C10orf90: variants seen among roughly 807,000 people sequenced by gnomAD.
C10orf90 encodes (E2-independent) E3 ubiquitin-conjugating enzyme FATS.
C10orf90 carries 56 observed loss-of-function variants against 62.5 expected under a neutral mutation model. The observed-to-expected ratio is 0.90, with a 90% confidence interval of 0.72 to 1.12. C10orf90 has a LOEUF of 1.12. Ranked by LOEUF, C10orf90 falls within the 50% of genes most tolerant of loss-of-function variation. The probability of loss-of-function intolerance (pLI) is 0.00; values close to 1 mark genes in which losing one functional copy is unlikely to be tolerated. For synonymous variants in C10orf90, 386 were observed against 340.4 expected, an observed-to-expected ratio of 1.13 and a Z score of -1.47; for missense variants, 970 against 880.4, an observed-to-expected ratio of 1.10 and a Z score of -1.29.
At chr10:126,511,274 T>C (rs547999842) in intron 3 of C10orf90, among the ~76,000 whole-genome samples, 3 of 152,338 alleles carry the variant, frequency 2.0e-5, no homozygotes, top group African/African-American at 7.2e-5. Flanking sequence ...TGCCTTTCCG[T>C]GCAGTTACTG....
rs199549316 is a variant in C10orf90 at position 126,561,795 on chromosome 10, TC to T, written c.314-47857del. 2.1e-3 allele frequency among the ~76,000 whole-genome samples: 320 copies of T among 152,136 alleles called. 3 individuals carry two copies. In the East Asian group the frequency reaches 0.031, roughly 15 times the overall value. On this transcript the variant is annotated intron_variant, in intron 2 of 9. Transcript: ENST00000488181. ...CTGACACAGAGGGAGCAGGCCCCTT[TC>T]CCCGGGCCCCGGGTGGCCTGCTGAG... is the stretch of plus-strand genomic sequence containing the variant.
At chr10:126,558,099 C>T (rs1028075724) in intron 2 of C10orf90, among the ~76,000 whole-genome samples, 5 of 152,126 alleles carry the variant, frequency 3.3e-5, no homozygotes, top group South Asian at 4.2e-4. Context: ...TATTGTGGTG[C>T]TGTATTTGCC....
chr10:126,497,414 A>G (rs757025067), intron 4 of C10orf90, among the ~76,000 whole-genome samples: 1 of 152,098 alleles, frequency 6.6e-6, no homozygotes, highest in Non-Finnish European at 1.5e-5. Context: ...AAACAACGCA[A>G]GGAGGCTGAC....
chr10:126,657,545 AT>A (rs939139175), intron 1 of C10orf90, among the ~76,000 whole-genome samples: 1 of 149,454 alleles, frequency 6.7e-6, no homozygotes, highest in Non-Finnish European at 1.5e-5. Context: ...CAATTGATCA[AT>A]TTTTTTTCCT....
At chr10:126,458,462 A>G (rs570239914) in intron 7 of C10orf90, among the ~76,000 whole-genome samples, 1 of 152,280 alleles carries the variant, frequency 6.6e-6, no homozygotes, top group East Asian at 1.9e-4. Flanking sequence ...TCCATGAAGA[A>G]GGGACTGAGG....
intron 2 of C10orf90, among the ~76,000 whole-genome samples, chr10:126,616,567 C>T (rs530125837): frequency 2.0e-5 from 3 of 152,130 alleles, no homozygotes; most frequent in African/African-American, 4.8e-5. Flanking sequence ...GATGCTGACA[C>T]GGGCACAGAG....
At chr10:126,579,062 GT>G (rs148861193) in intron 2 of C10orf90, among the ~76,000 whole-genome samples, 127 of 143,462 alleles carry the variant, frequency 8.9e-4, no homozygotes, top group Admixed American at 5.6e-3. Flanking sequence ...TCAATTAAAA[GT>G]TTTTTTTTAA....
intron 1 of C10orf90, among the ~76,000 whole-genome samples, chr10:126,666,645 T>C (rs995298792): frequency 6.6e-6 from 1 of 152,120 alleles, no homozygotes; most frequent in Non-Finnish European, 1.5e-5. Context: ...TGAGTCACAA[T>C]GGCCATGGCT....
rs1333762593 is a variant in C10orf90, at chr10:126,504,831, C to T, written c.660G>A (p.Pro220=). ...CCCCACAGGGTCTCTCCTCTTTGGG[C>T]GGCAGCTCTGCCTCAGGTCCTCGCT... ...SDERGPEAEL[P]PKEERPCGGP... The change falls in exon 4 of 10, where the codon CCG becomes CCA. Residue 220 remains proline, a synonymous_variant. Coordinates refer to ENST00000488181, the MANE Select transcript of C10orf90 (RefSeq NM_001350921.2). The surrounding 1 kb of genome is among the most constrained non-coding windows in gnomAD (Gnocchi z 4.1). The T allele has an allele frequency of 2.5e-6, 4 of 1,602,320 alleles. No homozygotes were observed. Among genetic ancestry groups the T allele is most frequent in the East Asian group, 2.2e-5 (1 of 44,722 alleles).
chr10:126,501,009 A>T (rs1288436695), intron 4 of C10orf90, among the ~76,000 whole-genome samples: 1 of 152,256 alleles, frequency 6.6e-6, no homozygotes, highest in Non-Finnish European at 1.5e-5. Flanking sequence ...CTTCAGATAC[A>T]AAGAATCAGA....
At chr10:126,441,564 C>T (rs750494397) in intron 7 of C10orf90, among the ~76,000 whole-genome samples, 8 of 152,090 alleles carry the variant, frequency 5.3e-5, no homozygotes, top group Admixed American at 2.0e-4. Flanking sequence ...AAAAGATCAT[C>T]GCCTAGGCAC....
chr10:126,493,327 T>C (rs1861862109), intron 4 of C10orf90, among the ~76,000 whole-genome samples: 1 of 151,610 alleles, frequency 6.6e-6, no homozygotes, highest in Admixed American at 6.6e-5. Flanking sequence ...CTCTTTTTGC[T>C]TATTTATATT....
intron 2 of C10orf90, among the ~76,000 whole-genome samples, chr10:126,595,836 C>T (rs1845073425): frequency 2.6e-5 from 4 of 152,062 alleles, no homozygotes. Flanking sequence ...CCCCACACCC[C>T]AATACATATC....
At chr10:126,450,969 T>C (rs1859142533) in intron 7 of C10orf90, among the ~76,000 whole-genome samples, 1 of 151,932 alleles carries the variant, frequency 6.6e-6, no homozygotes, top group Non-Finnish European at 1.5e-5. Flanking sequence ...ATCCAAAATA[T>C]ATAAGGAACT....
chr10:126,469,211 C>T (rs1860441842), intron 4 of C10orf90, among the ~76,000 whole-genome samples: 1 of 152,144 alleles, frequency 6.6e-6, no homozygotes. Context: ...AAATGACATA[C>T]AGAACTCACA....
intron 3 of C10orf90, among the ~76,000 whole-genome samples, chr10:126,505,615 C>A (rs1293553023): frequency 3.9e-5 from 6 of 152,178 alleles, no homozygotes; most frequent in African/African-American, 1.4e-4. Context: ...TTGCTCCCTG[C>A]TGCTTGGCAT....
At chr10:126,444,871 A>T (rs901114988) in intron 7 of C10orf90, among the ~76,000 whole-genome samples, 5 of 152,120 alleles carry the variant, frequency 3.3e-5, no homozygotes, top group African/African-American at 1.2e-4. Flanking sequence ...AAGCTCAAAT[A>T]CTTACAGCCA....
At chr10:126,619,503 T>A (rs923469934) in intron 2 of C10orf90, among the ~76,000 whole-genome samples, 2 of 152,174 alleles carry the variant, frequency 1.3e-5, no homozygotes, top group African/African-American at 4.8e-5. Context: ...CTCATCAAAG[T>A]TTTAATTTGC....
intron 2 of C10orf90, among the ~76,000 whole-genome samples, chr10:126,576,125 G>A (rs1240264602): frequency 2.0e-5 from 3 of 152,200 alleles, no homozygotes; most frequent in Admixed American, 1.3e-4. Flanking sequence ...ACAACCAACA[G>A]AGTGAAAGGA....
Sources: gnomAD v4.1 joint callset for allele counts (sites outside exome capture counted in the v4.1 genomes callset) on GRCh38, gnomAD v4.1.1 for gene constraint, Gnocchi (gnomAD v3.1) non-coding constraint, MANE v1.5 for transcripts, NCBI Gene and HGNC (gene_info 2026-07-23, HGNC 2026-07-21) for gene names.